Variants in OPA1 observed in about 807,000 individuals in gnomAD.
OPA1 encodes dynamin-like GTPase OPA1, mitochondrial.
OPA1 carries 59 observed loss-of-function variants against 152.9 expected under a neutral mutation model. The observed-to-expected ratio is 0.39, with a 90% CI of 0.31 to 0.48. The LOEUF (loss-of-function observed/expected upper bound fraction) is 0.48, where lower values mean the gene tolerates loss of function less well. Ranked by LOEUF, OPA1 falls within the 20% of genes least tolerant of loss-of-function variation. The pLI is 0.96. For missense variants in OPA1, 1,008 were observed against 1,216.8 expected (o/e 0.83, Z 2.55); for synonymous variants, 400 against 389.9 (o/e 1.03, Z -0.31).
At chr3:193,604,053 C>G (rs1390067228) in intron 1 of OPA1, among the ~76,000 whole-genome samples, 1 of 152,202 alleles carries the variant, frequency 6.6e-6, no homozygotes, top group African/African-American at 2.4e-5. Context: ...AGACTTTCCA[C>G]AGCGTGTGGG....
chr3:193,632,397 T>C (rs946682872), intron 8 of OPA1, among the ~76,000 whole-genome samples: 1 of 151,524 alleles, frequency 6.6e-6, no homozygotes, highest in Non-Finnish European at 1.5e-5. Context: ...AGGAGAATGG[T>C]GTGAACCCAG....
intron 29 of OPA1, among the ~76,000 whole-genome samples, chr3:193,676,041 TG>T (rs1423131363): frequency 2.6e-5 from 4 of 152,242 alleles, no homozygotes; most frequent in Non-Finnish European, 5.9e-5. Flanking sequence ...TCGTGCAGTC[TG>T]GCTTTCATCT....
At chr3:193,606,484 TC>T (rs1011507347) in intron 1 of OPA1, among the ~76,000 whole-genome samples, 6 of 150,660 alleles carry the variant, frequency 4.0e-5, no homozygotes, top group Non-Finnish European at 7.4e-5. Context: ...TTCTCACTGT[TC>T]AGTTCCCACC....
rs1724932098 is a variant in OPA1, at chr3:193,593,299, G to C, written c.-79G>C. On this transcript the variant is annotated 5_prime_UTR_variant, in exon 1 of 31. Coordinates refer to ENST00000361510, the MANE Select transcript of OPA1 (RefSeq NM_130837.3). Reference sequence around the variant, plus strand: ...AGGGCCACTTCCTGGGTCATTCCTGGACCGGGAGCCGGGCTGGGGCTCACA... The same window carrying C: ...AGGGCCACTTCCTGGGTCATTCCTGCACCGGGAGCCGGGCTGGGGCTCACA... 6.8e-7 allele frequency: 1 copy of C among 1,460,540 alleles called. No homozygotes were observed. Among genetic ancestry groups the C allele is most frequent in the Admixed American group, 2.3e-5 (1 of 43,786 alleles). 90.5% of individuals were successfully genotyped at this position (1,460,540 alleles called of 1,614,324 possible). A position where few individuals can be genotyped will look rare whatever the true frequency, so the allele number is the denominator to read the frequency against.
At position 193,593,283 on chromosome 3, in the gene OPA1, T is replaced by G. The variant is rs1234678553; in HGVS notation, c.-95T>G. On this transcript the variant is annotated 5_prime_UTR_variant, in exon 1 of 31. Transcript: ENST00000361510. Reference sequence around the variant, plus strand: ...TGTGCCCTTGCTGCTGAGGGCCACTTCCTGGGTCATTCCTGGACCGGGAGC... The same window carrying G: ...TGTGCCCTTGCTGCTGAGGGCCACTGCCTGGGTCATTCCTGGACCGGGAGC... 6 of 1,359,250 alleles carry G rather than the reference T, an allele frequency of 4.4e-6. No homozygotes were observed. Among genetic ancestry groups the G allele is most frequent in the Non-Finnish European group, 5.9e-6 (6 of 1,009,416 alleles). The allele number at this position is 1,359,250 out of a possible 1,614,324, so 84.2% of individuals were successfully genotyped here. A position where few individuals can be genotyped will look rare whatever the true frequency, so the allele number is the denominator to read the frequency against.
chr3:193,638,744 G>A (rs1733312397), intron 11 of OPA1, among the ~76,000 whole-genome samples: 1 of 152,236 alleles, frequency 6.6e-6, no homozygotes, highest in East Asian at 1.9e-4. Flanking sequence ...TCTAGGATTT[G>A]ACATTTTCAG....
intron 1 of OPA1, among the ~76,000 whole-genome samples, chr3:193,608,342 T>A (rs1057466852): frequency 6.6e-6 from 1 of 152,186 alleles, no homozygotes; most frequent in Non-Finnish European, 1.5e-5. Flanking sequence ...GGGCATTTAG[T>A]GCTATAAATT....
intron 29 of OPA1, among the ~76,000 whole-genome samples, chr3:193,690,609 A>G (rs1415688594): frequency 6.6e-6 from 1 of 152,184 alleles, no homozygotes; most frequent in Non-Finnish European, 1.5e-5. Context: ...TGCAATGCTA[A>G]TAAGAATTCA....
At chr3:193,617,430 A>G (rs982555046) in intron 4 of OPA1, 145 bp downstream of exon 4, 3 of 651,326 alleles carry the variant, frequency 4.6e-6, no homozygotes, top group South Asian at 3.9e-5. Flanking sequence ...AGATAAACAC[A>G]AAGTTTTGTT....
intron 1 of OPA1, 58 bp from the exon 2 acceptor site, chr3:193,614,665 C>T: frequency 7.6e-7 from 1 of 1,309,822 alleles, no homozygotes. Context: ...CTTTTAATGT[C>T]ATTTCCTTTG....
chr3:193,619,026 C>T (rs1011474945), intron 6 of OPA1, 90 bp downstream of exon 6: 3 of 1,021,192 alleles, frequency 2.9e-6, no homozygotes, highest in Non-Finnish European at 4.6e-6. Context: ...ATGATAACAT[C>T]TGAGAAGCAA....
rs78268415 is a variant in OPA1, at chr3:193,694,170, T to G, written c.*6-436T>G. Reference sequence around the variant, plus strand: ...TGAACTTTTACAAAGTATCTTGTGATCTGGACAGATGATCTGTTTTGTACC... The same window carrying G: ...TGAACTTTTACAAAGTATCTTGTGAGCTGGACAGATGATCTGTTTTGTACC... On this transcript the variant is annotated intron_variant, in intron 30 of 30. Coordinates refer to ENST00000361510, the MANE Select transcript of OPA1 (RefSeq NM_130837.3). Among the ~76,000 whole-genome samples, 1,032 of 152,284 alleles carry G rather than the reference T, an allele frequency of 6.8e-3. 9 individuals carry two copies. The highest frequency in any genetic ancestry group is 0.023 in the African/African-American group (964 of 41,548).
In OPA1 at chr3:193,653,868, T is replaced by C. The variant is rs564305317; in HGVS notation, c.2013-994T>C. ...AAAACCACAATGACCACTATAAACT[T>C]ACTAAAATGGCTACAATTTTAAATG... On this transcript the variant is annotated intron_variant, in intron 21 of 30. Transcript: ENST00000361510. Among the ~76,000 whole-genome samples, 508 of 152,266 alleles carry C rather than the reference T, an allele frequency of 3.3e-3. 2 individuals carry two copies. Among genetic ancestry groups the C allele is most frequent in the African/African-American group, 0.012 (488 of 41,566 alleles).
intron 1 of OPA1, among the ~76,000 whole-genome samples, chr3:193,598,958 C>T (rs971748564): frequency 1.3e-5 from 2 of 152,196 alleles, no homozygotes; most frequent in Non-Finnish European, 2.9e-5. Context: ...ATATCCCTCT[C>T]TGTAAGTGAT....
At chr3:193,658,352 A>T (rs893181335) in intron 23 of OPA1, among the ~76,000 whole-genome samples, 1 of 152,146 alleles carries the variant, frequency 6.6e-6, no homozygotes, top group Non-Finnish European at 1.5e-5. Flanking sequence ...TCCAAAAATT[A>T]TAAAATTTGG....
chr3:193,658,153 G>A (rs929141228), intron 23 of OPA1, among the ~76,000 whole-genome samples: 1 of 151,394 alleles, frequency 6.6e-6, no homozygotes, highest in Non-Finnish European at 1.5e-5. Context: ...GCTGAGGCAG[G>A]AGAATTGCTT....
chr3:193,689,921 G>A (rs1409203336), intron 29 of OPA1, among the ~76,000 whole-genome samples: 1 of 151,626 alleles, frequency 6.6e-6, no homozygotes, highest in African/African-American at 2.4e-5. Flanking sequence ...CAGCATTCTA[G>A]GTAACAATTT....
chr3:193,677,817 A>G (rs568158588), intron 29 of OPA1, among the ~76,000 whole-genome samples: 9 of 152,194 alleles, frequency 5.9e-5, no homozygotes, highest in African/African-American at 2.2e-4. Context: ...GATGTGCTCT[A>G]TCTTAAAAGT....
At chr3:193,672,883 A>G (rs1189870430) in intron 29 of OPA1, among the ~76,000 whole-genome samples, 1 of 151,806 alleles carries the variant, frequency 6.6e-6, no homozygotes, top group Non-Finnish European at 1.5e-5. Flanking sequence ...AAAAAAAAAA[A>G]ACGAAAAACA....
Sources: gnomAD v4.1 joint callset for allele counts (sites outside exome capture counted in the v4.1 genomes callset) on GRCh38, gnomAD v4.1.1 for gene constraint, MANE v1.5 for transcripts, NCBI Gene and HGNC (gene_info 2026-07-23, HGNC 2026-07-21) for gene names.